TRIM67: variants seen among roughly 807,000 people sequenced by gnomAD.
The protein encoded by TRIM67 is tripartite motif-containing protein 67.
A neutral mutation model predicts 71.0 loss-of-function variants in TRIM67; 39 were observed. That is an observed-to-expected ratio of 0.55 (90% confidence interval 0.43 to 0.72). The LOEUF is 0.72. Ranked by LOEUF, TRIM67 falls within the 30% of genes least tolerant of loss-of-function variation. The probability of loss-of-function intolerance (pLI) is 0.00; values close to 1 mark genes in which losing one functional copy is unlikely to be tolerated. For missense variants in TRIM67, 973 were observed against 1,079.2 expected, an observed-to-expected ratio of 0.90 and a Z score of 1.38; for synonymous variants, 481 against 473.9, an observed-to-expected ratio of 1.01 and a Z score of -0.19.
rs746097685 is a variant in TRIM67 at position 231,163,724 on chromosome 1, AGCCGCCGCC to A, written c.771_779del (p.Pro258_Pro260del). On this transcript the variant is annotated inframe_deletion, in exon 1 of 10. Coordinates refer to ENST00000366653, the MANE Select transcript of TRIM67 (RefSeq NM_001004342.5). ...CCCTTCGCCAAGCATCGCCTGGTGC[AGCCGCCGCC>A]GCCGCCGCCGCCGCCCGCCGAGGCA... 135 of 1,492,490 alleles carry A rather than the reference AGCCGCCGCC, an allele frequency of 9.0e-5. 1 individual carries two copies. Among genetic ancestry groups the A allele is most frequent in the East Asian group, 9.0e-4 (31 of 34,514 alleles). 92.5% of individuals were successfully genotyped at this position (1,492,490 alleles called of 1,614,324 possible).
chr1:231,211,853 C>G (rs1478457985), intron 8 of TRIM67, among the ~76,000 whole-genome samples: 1 of 152,164 alleles, frequency 6.6e-6, no homozygotes, highest in Non-Finnish European at 1.5e-5. Context: ...GCAGGAGGAT[C>G]CCTTGAGCCC....
rs1412724686 is a variant in TRIM67 at position 231,163,581 on chromosome 1, G to A, written c.612G>A (p.Ala204=). The A allele has an allele frequency of 2.6e-6, 4 of 1,515,372 alleles. No individual in the cohort carries two copies. Among genetic ancestry groups the A allele is most frequent in the Middle Eastern group, 1.8e-4 (1 of 5,696 alleles). 93.9% of individuals were successfully genotyped at this position (1,515,372 alleles called of 1,614,324 possible). The change falls in exon 1 of 10, where the codon GCG becomes GCA. Residue 204 remains alanine (A), a synonymous_variant. Transcript: ENST00000366653. ...TGCCGGGGACGTCTGCAGCCGCGGC[G>A]GTGGCCATCTGCCAGCTGTGCGACC... The part of the protein sequence containing the change: ...GAVPGTSAAA[A]VAICQLCDRT...
intron 1 of TRIM67, chr1:231,186,290 C>T (rs1683073624): frequency 1.2e-6 from 1 of 858,660 alleles, no homozygotes; most frequent in Non-Finnish European, 1.8e-6. Flanking sequence ...CTAGTTGGAA[C>T]AGGACAAATC....
At chr1:231,207,073 A>C (rs1683723537) in intron 7 of TRIM67, among the ~76,000 whole-genome samples, 1 of 152,178 alleles carries the variant, frequency 6.6e-6, no homozygotes, top group Non-Finnish European at 1.5e-5. Context: ...GGGCCGGTTG[A>C]GGTGCATACG....
At chr1:231,175,401 A>T (rs1030508829) in intron 1 of TRIM67, among the ~76,000 whole-genome samples, 1 of 152,222 alleles carries the variant, frequency 6.6e-6, no homozygotes, top group African/African-American at 2.4e-5. Context: ...TTACAAGCCA[A>T]CAAATTAGCC....
At chr1:231,184,817 C>G in intron 1 of TRIM67, 1 of 593,606 alleles carries the variant, frequency 1.7e-6, no homozygotes, top group Non-Finnish European at 3.0e-6. Flanking sequence ...CATCATTAAA[C>G]CTTGAGGCAG....
At position 231,162,902 on chromosome 1, in the gene TRIM67, C is replaced by T; in HGVS notation, c.-68C>T. ...ACCGGGGCGCACCGCGCTGGTCCTC[C>T]TCCGCCAGTCTCCCGAGCTCCGGCC... is the stretch of plus-strand genomic sequence containing the variant. On this transcript the variant is annotated 5_prime_UTR_variant, in exon 1 of 10. Transcript: ENST00000366653. The T allele has an allele frequency of 6.4e-7, 1 of 1,554,008 alleles. No individual in the cohort carries two copies. The highest frequency in any genetic ancestry group is 2.4e-5 in the East Asian group (1 of 41,922).
chr1:231,170,772 G>C (rs577900734), intron 1 of TRIM67, among the ~76,000 whole-genome samples: 1 of 152,250 alleles, frequency 6.6e-6, no homozygotes, highest in South Asian at 2.1e-4. Context: ...GTTGCTTTTG[G>C]CCATGTTTGC....
chr1:231,163,079 A>G lies in TRIM67; in HGVS notation c.110A>G (p.Gln37Arg). 1 of 1,594,484 alleles carries G rather than the reference A, an allele frequency of 6.3e-7. No individual in the cohort carries two copies. Among genetic ancestry groups the G allele is most frequent in the South Asian group, 1.1e-5 (1 of 88,502 alleles). Reference sequence around the variant, plus strand: ...CCTTGCGCTCGCACCATCGCGGTGCAGACCCCGGACGGTGAGCAGCACCTG... The same window carrying G: ...CCTTGCGCTCGCACCATCGCGGTGCGGACCCCGGACGGTGAGCAGCACCTG... Reference protein sequence around the residue: ...CLPCARTIAVQTPDGEQHLPQ... With the variant: ...CLPCARTIAVRTPDGEQHLPQ... The change falls in exon 1 of 10, where the codon CAG (glutamine) becomes CGG (arginine). Residue 37 changes from glutamine to arginine, a missense_variant. Gln to Arg is a conservative substitution (Grantham distance 43). Around this residue, in one of 2 missense-constraint regions of TRIM67, gnomAD observed 795 missense variants for 831.3 expected, o/e 0.96. Transcript: ENST00000366653.
At position 231,220,288 on chromosome 1, in the gene TRIM67, A is replaced by G. The variant is rs561221270; in HGVS notation, c.*4848A>G. On this transcript the variant is annotated 3_prime_UTR_variant, in exon 10 of 10. Transcript: ENST00000366653. ...TTTAAGACAGGTTTCCTATGACCAT[A>G]GAAAGTAACACCCCATATGTTTCCA... The G allele has an allele frequency of 1.2e-5, 3 of 253,756 alleles. No individual in the cohort carries two copies. Among genetic ancestry groups the G allele is most frequent in the Non-Finnish European group, 2.4e-5 (3 of 127,122 alleles). The allele number at this position is 253,756 out of a possible 1,614,324, so 15.7% of individuals were successfully genotyped here.
chr1:231,206,570 C>T (rs954147554), intron 6 of TRIM67, 82 bp from the exon 7 acceptor site: 66 of 1,384,140 alleles, frequency 4.8e-5, no homozygotes, highest in Admixed American at 3.8e-4. Context: ...CTTTTAATGT[C>T]AATGTGTTTC....
At chr1:231,211,973 G>A (rs538159212) in intron 8 of TRIM67, among the ~76,000 whole-genome samples, 30 of 152,282 alleles carry the variant, frequency 2.0e-4, no homozygotes, top group Non-Finnish European at 3.8e-4. Context: ...ACCTAGGCGA[G>A]TTAAGGAAAC....
Position 231,219,163 on chromosome 1 carries a change from C to T in TRIM67, c.*3723C>T. 1 of 985,442 alleles carries T rather than the reference C, an allele frequency of 1.0e-6. No individual in the cohort carries two copies. The highest frequency in any genetic ancestry group is 1.2e-6 in the Non-Finnish European group (1 of 830,064). The allele number at this position is 985,442 out of a possible 1,614,324, so 61.0% of individuals were successfully genotyped here. A position where few individuals can be genotyped will look rare whatever the true frequency, so the allele number is the denominator to read the frequency against. ...ATGCTAAAGAACACTGCTGCACAGCCCGTGGGGTGGCGCCAGGGTTTCTCA... is the reference window on the plus strand; with the variant it reads ...ATGCTAAAGAACACTGCTGCACAGCTCGTGGGGTGGCGCCAGGGTTTCTCA... On this transcript the variant is annotated 3_prime_UTR_variant, in exon 10 of 10. Transcript: ENST00000366653.
intron 1 of TRIM67, among the ~76,000 whole-genome samples, chr1:231,174,108 C>T (rs907553754): frequency 2.0e-5 from 3 of 151,710 alleles, no homozygotes; most frequent in Non-Finnish European, 2.9e-5. Context: ...GCTATTGTCA[C>T]ACAGTTCTTG....
At chr1:231,189,009 A>T (rs1683161994) in intron 1 of TRIM67, among the ~76,000 whole-genome samples, 1 of 152,144 alleles carries the variant, frequency 6.6e-6, no homozygotes, top group Non-Finnish European at 1.5e-5. Flanking sequence ...TCTGTGATGG[A>T]TCTTGTCCTG....
chr1:231,176,915 A>AAAAAAAAC (rs1682766421), intron 1 of TRIM67, among the ~76,000 whole-genome samples: 1 of 151,556 alleles, frequency 6.6e-6, no homozygotes, highest in South Asian at 2.1e-4. Context: ...GCAAAAAAAA[A>AAAAAAAAC]AAAAAAAACA....
chr1:231,212,392 T>G (rs1259878694), intron 8 of TRIM67, among the ~76,000 whole-genome samples: 1 of 152,210 alleles, frequency 6.6e-6, no homozygotes, highest in Non-Finnish European at 1.5e-5. Context: ...TTTGAAATGC[T>G]GAGGATCTGT....
chr1:231,194,621 CAACATACAGGCT>C (rs2102743084), intron 1 of TRIM67, among the ~76,000 whole-genome samples: 1 of 152,280 alleles, frequency 6.6e-6, no homozygotes, highest in Non-Finnish European at 1.5e-5. Flanking sequence ...CTACAGATGA[CAACATACAGGCT>C]AACATTCCAT....
rs1684011205 is a variant in TRIM67 at position 231,216,262 on chromosome 1, GCT to G, written c.*827_*828del. On this transcript the variant is annotated 3_prime_UTR_variant, in exon 10 of 10. Transcript: ENST00000366653. ...TCCCTGCCTCTTTCTTCCCTCTTTC[GCT>G]CTCTTTCCCTCCCTCCTTCTCTCTC... is the stretch of plus-strand genomic sequence containing the variant. 2.1e-6 allele frequency: 2 copies of G among 971,244 alleles called. No homozygotes were observed. Among genetic ancestry groups the G allele is most frequent in the Non-Finnish European group, 2.4e-6 (2 of 822,322 alleles). The allele number at this position is 971,244 out of a possible 1,614,324, so 60.2% of individuals were successfully genotyped here.
Sources: allele counts gnomAD v4.1 joint callset (sites outside exome capture counted in the v4.1 genomes callset), GRCh38; gene constraint gnomAD v4.1.1; regional missense constraint gnomAD v4.1.1; transcripts MANE v1.5; gene names NCBI Gene and HGNC (gene_info 2026-07-23, HGNC 2026-07-21).